Variants in ARMCX4 observed in about 807,000 individuals in gnomAD.
ARMCX4 encodes armadillo repeat containing X-linked 4.
In ARMCX4, 3 loss-of-function variants were observed where a neutral mutation model predicts 34.7. The observed-to-expected ratio is 0.09, with a 90% CI of 0.04 to 0.22. The LOEUF (loss-of-function observed/expected upper bound fraction) is 0.22. Ranked by LOEUF, ARMCX4 falls within the 10% of genes least tolerant of loss-of-function variation. The pLI is 1.00. For synonymous variants in ARMCX4, 513 were observed against 632.8 expected (o/e 0.81, Z 2.84); for missense variants, 1,448 against 1,720.8 (o/e 0.84, Z 2.81).
chrX:101,427,465 C>T (rs781929903), intron 2 of ARMCX4, among the ~76,000 whole-genome samples: 4 of 110,267 alleles, frequency 3.6e-5, no homozygotes, highest in Non-Finnish European at 5.7e-5. Context: ...GCAACCTCCA[C>T]CTCCCAGGTT....
At position 101,502,222 on chromosome X, in the gene ARMCX4, G is replaced by A. The variant is rs73636840; in HGVS notation, c.*1178-2715G>A. Among the ~76,000 whole-genome samples the A allele has an allele frequency of 1.2e-4, 13 of 111,472 alleles. No individual in the cohort carries two copies. The East Asian group carries it at 3.1e-3, about 27-fold the overall frequency. On this transcript the variant is annotated intron_variant and NMD_transcript_variant, in intron 7 of 12. Transcript: ENST00000354842. ...CCAAGGTATAAGGTTGAGTAGCCCCGGCAATGAGATGGAAGTTTCTTTTTT... is the reference window on the plus strand; with the variant it reads ...CCAAGGTATAAGGTTGAGTAGCCCCAGCAATGAGATGGAAGTTTCTTTTTT...
chrX:101,434,906 C>G (rs186255657), intron 2 of ARMCX4, among the ~76,000 whole-genome samples: 6,763 of 108,376 alleles, frequency 0.062, 218 homozygotes, highest in South Asian at 0.27. Context: ...TTTGTCCTTG[C>G]GATAGTTTGC....
intron 2 of ARMCX4, among the ~76,000 whole-genome samples, chrX:101,423,034 C>T (rs188530439): frequency 0.011 from 1,156 of 109,911 alleles, 8 homozygotes; most frequent in Non-Finnish European, 0.014. Context: ...CTCAGCCTCC[C>T]GAGTAGCTGG....
chrX:101,524,277 C>G (rs1934916071), intron 11 of ARMCX4: 1 of 112,076 alleles, frequency 8.9e-6, no homozygotes, highest in African/African-American at 3.2e-5. Flanking sequence ...CAAAGAAAAC[C>G]ACCTCTAGGC....
chrX:101,438,436 G>A (rs113185248), intron 2 of ARMCX4, among the ~76,000 whole-genome samples: 34 of 110,892 alleles, frequency 3.1e-4, no homozygotes, highest in Non-Finnish European at 1.9e-4. Context: ...ATGGTGGTGG[G>A]CACCTGTAGT....
At chrX:101,473,277 A>T (rs1195630468) in intron 4 of ARMCX4, among the ~76,000 whole-genome samples, 1 of 111,658 alleles carries the variant, frequency 9.0e-6, no homozygotes, top group African/African-American at 3.3e-5. Context: ...ATATATATGC[A>T]CCCAATACAG....
At chrX:101,452,830 A>G (rs1402298062), downstream of ARMCX4, among the ~76,000 whole-genome samples, 1 of 108,470 alleles carries the variant, frequency 9.2e-6, no homozygotes, top group African/African-American at 3.4e-5. Flanking sequence ...TGCTGGAATT[A>G]TAGATATGAG....
At position 101,495,744 on chromosome X, in the gene ARMCX4, T is replaced by G. The variant is rs1934162330; in HGVS notation, c.*282T>G. Reference sequence around the variant, plus strand: ...CTTTGGTCCTTTGTGTGGACTTATGTTTATACATTTAAGACTATTTTTATG... The same window carrying G: ...CTTTGGTCCTTTGTGTGGACTTATGGTTATACATTTAAGACTATTTTTATG... On this transcript the variant is annotated 3_prime_UTR_variant, in exon 6 of 6. Transcript: ENST00000423738. 4.5e-6 allele frequency: 1 copy of G among 222,387 alleles called. No homozygotes were observed. The highest frequency in any genetic ancestry group is 8.2e-6 in the Non-Finnish European group (1 of 121,580). 18.3% of individuals were successfully genotyped at this position (222,387 alleles called of 1,213,427 possible). A position where few individuals can be genotyped will look rare whatever the true frequency, so the allele number is the denominator to read the frequency against.
intron 11 of ARMCX4, among the ~76,000 whole-genome samples, chrX:101,526,664 A>C (rs1934982842): frequency 8.9e-6 from 1 of 111,994 alleles, no homozygotes; most frequent in Admixed American, 9.4e-5. Flanking sequence ...GGAAAACAGA[A>C]AAAAGCAGGG....
At chrX:101,517,996 A>C (rs1178162113) in intron 11 of ARMCX4, among the ~76,000 whole-genome samples, 2 of 111,950 alleles carry the variant, frequency 1.8e-5, no homozygotes, top group Non-Finnish European at 3.8e-5. Flanking sequence ...AAAACATATA[A>C]AATCCTACAT....
At chrX:101,517,669 A>T (rs1556018267) in intron 11 of ARMCX4, among the ~76,000 whole-genome samples, 1 of 112,190 alleles carries the variant, frequency 8.9e-6, no homozygotes, top group South Asian at 3.7e-4. Flanking sequence ...GAAACAAAAA[A>T]CAAACACCTC....
downstream of ARMCX4, among the ~76,000 whole-genome samples, chrX:101,500,742 G>A (rs1220563549): frequency 8.9e-6 from 1 of 112,176 alleles, no homozygotes; most frequent in Non-Finnish European, 1.9e-5. Flanking sequence ...CACACAGAAT[G>A]GATAACAGTA....
At chrX:101,447,203 T>A (rs782263797), downstream of ARMCX4, among the ~76,000 whole-genome samples, 3 of 112,248 alleles carry the variant, frequency 2.7e-5, no homozygotes, top group Non-Finnish European at 3.8e-5. Flanking sequence ...CACTGTTGTT[T>A]TTGCCAGATT....
At chrX:101,461,872 C>CT (rs1556001261) in intron 4 of ARMCX4, among the ~76,000 whole-genome samples, 1 of 111,515 alleles carries the variant, frequency 9.0e-6, no homozygotes, top group East Asian at 2.8e-4. Context: ...ATTTAAAACA[C>CT]TGTGTATTGC....
chrX:101,484,164 A>G (rs1933589655), upstream of ARMCX4, among the ~76,000 whole-genome samples: 2 of 111,637 alleles, frequency 1.8e-5, no homozygotes, highest in Non-Finnish European at 3.8e-5. Context: ...AATGACACGG[A>G]CATCAGGTGT....
At chrX:101,429,074 G>T (rs1376533980) in intron 2 of ARMCX4, among the ~76,000 whole-genome samples, 1 of 108,864 alleles carries the variant, frequency 9.2e-6, no homozygotes, top group Non-Finnish European at 1.9e-5. Flanking sequence ...TGCCCAGACT[G>T]GTCTCGAACT....
intron 4 of ARMCX4, among the ~76,000 whole-genome samples, chrX:101,469,602 C>A (rs1470150197): frequency 8.9e-6 from 1 of 111,982 alleles, no homozygotes; most frequent in Non-Finnish European, 1.9e-5. Context: ...ATATCACACA[C>A]ATCTTAAATG....
chrX:101,530,475 A>G (rs1489772440), intron 11 of ARMCX4, among the ~76,000 whole-genome samples: 6 of 111,685 alleles, frequency 5.4e-5, no homozygotes, highest in African/African-American at 2.0e-4. Flanking sequence ...CTAAAACTTA[A>G]AGTATAATAA....
chrX:101,430,262 G>T (rs1444169893), intron 2 of ARMCX4, among the ~76,000 whole-genome samples: 1 of 111,961 alleles, frequency 8.9e-6, no homozygotes, highest in Non-Finnish European at 1.9e-5. Context: ...GAGCTTTTTA[G>T]CTAGTTGTGC....
Sources: gnomAD v4.1 joint callset for allele counts (sites outside exome capture counted in the v4.1 genomes callset) on GRCh38, gnomAD v4.1.1 for gene constraint, MANE v1.5 for transcripts, NCBI Gene and HGNC (gene_info 2026-07-23, HGNC 2026-07-21) for gene names.